Variants in NELL2 observed in about 807,000 individuals in gnomAD.
The protein encoded by NELL2 is neural EGFL like 2.
A neutral mutation model predicts 109.6 loss-of-function variants in NELL2; 41 were observed. The observed-to-expected ratio is 0.37, with a 90% CI of 0.29 to 0.49. NELL2 has a LOEUF of 0.49. NELL2 is among the 20% of genes least tolerant of loss of function. The pLI is 0.98. For synonymous variants in NELL2, 355 were observed against 344.7 expected (o/e 1.03, Z -0.33); for missense variants, 900 against 1,008.3 (o/e 0.89, Z 1.45).
intron 13 of NELL2, among the ~76,000 whole-genome samples, chr12:44,648,951 A>G (rs1388869947): frequency 1.1e-5 from 1 of 94,956 alleles, no homozygotes; most frequent in Non-Finnish European, 2.1e-5. Flanking sequence ...TGTTTAGTAG[A>G]GACAGGGTTT....
At chr12:44,577,491 T>TC (rs1555179042) in intron 15 of NELL2, among the ~76,000 whole-genome samples, 14 of 137,378 alleles carry the variant, frequency 1.0e-4, no homozygotes, top group African/African-American at 2.5e-4. Flanking sequence ...TTTTTTTTTT[T>TC]TGAGATGGAG....
intron 11 of NELL2, among the ~76,000 whole-genome samples, chr12:44,707,287 G>T (rs1401990124): frequency 6.6e-6 from 1 of 152,062 alleles, no homozygotes; most frequent in Non-Finnish European, 1.5e-5. Flanking sequence ...CAATTCTGGG[G>T]GTTTTATTCA....
At chr12:44,556,372 G>A (rs1943255951) in intron 15 of NELL2, among the ~76,000 whole-genome samples, 1 of 152,184 alleles carries the variant, frequency 6.6e-6, no homozygotes, top group Non-Finnish European at 1.5e-5. Flanking sequence ...TTGGGGTTGG[G>A]GGAGTGTGTG....
intron 9 of NELL2, among the ~76,000 whole-genome samples, chr12:44,720,012 G>A (rs1938685185): frequency 1.4e-5 from 2 of 138,318 alleles, no homozygotes; most frequent in Admixed American, 7.6e-5. Context: ...CAGCTATGCT[G>A]CATTTATCCT....
intron 12 of NELL2, among the ~76,000 whole-genome samples, chr12:44,687,403 T>C (rs996266664): frequency 1.3e-5 from 2 of 152,206 alleles, no homozygotes; most frequent in Non-Finnish European, 2.9e-5. Context: ...ACTGGAGCTG[T>C]TCCTATTCGG....
upstream of NELL2, among the ~76,000 whole-genome samples, chr12:44,914,685 C>T (rs1945813274): frequency 1.3e-5 from 2 of 152,084 alleles, no homozygotes; most frequent in Non-Finnish European, 2.9e-5. Flanking sequence ...CACAGAGTAG[C>T]TGCTCGGTAA....
At chr12:44,583,055 G>A (rs1592154562) in intron 15 of NELL2, among the ~76,000 whole-genome samples, 1 of 152,000 alleles carries the variant, frequency 6.6e-6, no homozygotes, top group East Asian at 1.9e-4. Flanking sequence ...CTTCCGGAAC[G>A]GTAAGAAATA....
chr12:44,732,616 G>GA (rs556476178), intron 9 of NELL2, among the ~76,000 whole-genome samples: 1 of 151,758 alleles, frequency 6.6e-6, no homozygotes, highest in African/African-American at 2.4e-5. Flanking sequence ...TGAACTAATA[G>GA]AAAAAAATTT....
intron 1 of NELL2, among the ~76,000 whole-genome samples, chr12:44,894,412 G>A (rs182842879): frequency 9.3e-4 from 142 of 152,180 alleles, no homozygotes; most frequent in African/African-American, 3.3e-3. Flanking sequence ...CAGGATATTT[G>A]TTTTAAATTT....
At chr12:44,578,602 C>A (rs893779224) in intron 15 of NELL2, among the ~76,000 whole-genome samples, 1 of 149,446 alleles carries the variant, frequency 6.7e-6, no homozygotes, top group Non-Finnish European at 1.5e-5. Context: ...TTGCATACTC[C>A]TCAAATCTAT....
At chr12:44,905,187 C>T (rs888779554) in intron 1 of NELL2, among the ~76,000 whole-genome samples, 1 of 151,998 alleles carries the variant, frequency 6.6e-6, no homozygotes, top group South Asian at 2.1e-4. Context: ...TTTCAGATTT[C>T]AGATTTTCAG....
chr12:44,589,999 G>A (rs374758791), intron 15 of NELL2, among the ~76,000 whole-genome samples: 1 of 152,022 alleles, frequency 6.6e-6, no homozygotes, highest in East Asian at 1.9e-4. Flanking sequence ...GAGTCACACT[G>A]ATACCTACCC....
In NELL2 at chr12:44,562,012, G is replaced by A. The variant is rs145338558; in HGVS notation, c.1664-29291C>T. On this transcript the variant is annotated intron_variant, in intron 15 of 19. Transcript: ENST00000429094. Reference sequence around the variant, plus strand: ...ACAGAACAGAGGCCTCAGAAATAACGTCACATATCTGTCAACATTCATTGA... The same window carrying A: ...ACAGAACAGAGGCCTCAGAAATAACATCACATATCTGTCAACATTCATTGA... 3.0e-3 allele frequency among the ~76,000 whole-genome samples: 454 copies of A among 151,900 alleles called. 1 individual carries two copies. The highest frequency in any genetic ancestry group is 7.5e-3 in the African/African-American group (310 of 41,488).
intron 15 of NELL2, among the ~76,000 whole-genome samples, chr12:44,559,547 G>T (rs12314206): frequency 3.3e-5 from 5 of 152,078 alleles, no homozygotes; most frequent in Non-Finnish European, 5.9e-5. Flanking sequence ...TGATAAAACC[G>T]ACTTTAAACC....
At chr12:44,905,886 A>G (rs1056077878) in intron 1 of NELL2, among the ~76,000 whole-genome samples, 3 of 152,118 alleles carry the variant, frequency 2.0e-5, no homozygotes, top group African/African-American at 7.2e-5. Flanking sequence ...TATTAATGAA[A>G]AAAGCAGACA....
intron 15 of NELL2, among the ~76,000 whole-genome samples, chr12:44,566,533 TCACACACACACACACACA>T (rs3071958): frequency 6.7e-6 from 1 of 148,870 alleles, no homozygotes; most frequent in South Asian, 2.1e-4. Context: ...TTACACATAC[TCACACACACACACACACA>T]CACACACACA....
intron 13 of NELL2, among the ~76,000 whole-genome samples, chr12:44,638,822 C>T (rs139311896): frequency 5.3e-5 from 8 of 152,276 alleles, no homozygotes; most frequent in Non-Finnish European, 8.8e-5. Context: ...CTCCAGCTAG[C>T]GCTGATAAAT....
In NELL2 at chr12:44,523,360, A is replaced by G. The variant is rs767825403; in HGVS notation, c.1929T>C (p.Asp643=). Residue 643 remains aspartate, a synonymous_variant, in exon 17 of 20, where the codon GAT becomes GAC. Coordinates refer to ENST00000429094, the MANE Select transcript of NELL2 (RefSeq NM_001145108.2). ...GKNCTGDCIH[D]GKVKHNGQIW... ...TCTGACCATTGTGCTTAACTTTTCCATCATGGATGCAGTCCCCTGTGCAAT... is the reference window on the plus strand; with the variant it reads ...TCTGACCATTGTGCTTAACTTTTCCGTCATGGATGCAGTCCCCTGTGCAAT... 11 of 1,614,206 alleles carry G rather than the reference A, an allele frequency of 6.8e-6. No individual in the cohort carries two copies. The highest frequency in any genetic ancestry group is 7.6e-6 in the Non-Finnish European group (9 of 1,180,022).
intron 15 of NELL2, among the ~76,000 whole-genome samples, chr12:44,576,384 G>A (rs376741600): frequency 6.6e-6 from 1 of 152,136 alleles, no homozygotes; most frequent in African/African-American, 2.4e-5. Flanking sequence ...TCTTTTCCAC[G>A]ATTAAATCAC....
Sources: allele counts gnomAD v4.1 joint callset (sites outside exome capture counted in the v4.1 genomes callset), GRCh38; gene constraint gnomAD v4.1.1; transcripts MANE v1.5; gene names NCBI Gene and HGNC (gene_info 2026-07-23, HGNC 2026-07-21).